CDH2: variants seen among roughly 807,000 people sequenced by gnomAD.
The protein encoded by CDH2 is cadherin-2.
A neutral mutation model predicts 92.0 loss-of-function variants in CDH2; 17 were observed. The observed-to-expected ratio is 0.18, with a 90% confidence interval of 0.13 to 0.28. The LOEUF is 0.28. CDH2 is among the 10% of genes least tolerant of loss of function. The probability of loss-of-function intolerance (pLI) is 1.00; values close to 1 mark genes in which losing one functional copy is unlikely to be tolerated. For missense variants in CDH2, 862 were observed against 1,133.1 expected, an observed-to-expected ratio of 0.76 and a Z score of 3.44; for synonymous variants, 419 against 415.9, an observed-to-expected ratio of 1.01 and a Z score of -0.09.
downstream of CDH2, among the ~76,000 whole-genome samples, chr18:27,946,027 A>G (rs1032373780): frequency 2.0e-5 from 3 of 152,208 alleles, no homozygotes; most frequent in African/African-American, 7.2e-5. Flanking sequence ...ATATGGAATA[A>G]TGTGGAATTT....
intron 1 of CDH2, among the ~76,000 whole-genome samples, chr18:28,155,503 G>A (rs561508590): frequency 2.0e-5 from 3 of 152,190 alleles, no homozygotes; most frequent in Non-Finnish European, 2.9e-5. Context: ...GCAAAAAAAC[G>A]GAAATTCACT....
At chr18:28,041,056 C>CA (rs1252570909) in intron 2 of CDH2, among the ~76,000 whole-genome samples, 8 of 152,078 alleles carry the variant, frequency 5.3e-5, no homozygotes, top group African/African-American at 1.2e-4. Context: ...TATGGTTCTT[C>CA]AAAAAATCAC....
At chr18:28,022,462 T>C (rs1310414378) in intron 2 of CDH2, among the ~76,000 whole-genome samples, 1 of 152,112 alleles carries the variant, frequency 6.6e-6, no homozygotes, top group Non-Finnish European at 1.5e-5. Flanking sequence ...AAAATACCTT[T>C]GTATGTCTCC....
chr18:27,974,916 T>A (rs562838074), intron 14 of CDH2, among the ~76,000 whole-genome samples: 1 of 152,296 alleles, frequency 6.6e-6, no homozygotes, highest in South Asian at 2.1e-4. Context: ...GCTACACAGT[T>A]TATGAAATTT....
intron 1 of CDH2, among the ~76,000 whole-genome samples, chr18:28,161,777 C>T (rs889983119): frequency 6.6e-6 from 1 of 152,088 alleles, no homozygotes; most frequent in African/African-American, 2.4e-5. Flanking sequence ...GTGTAAACCT[C>T]ATCCTCTACT....
chr18:28,006,733 A>AAAAAG (rs2012934467), intron 5 of CDH2, among the ~76,000 whole-genome samples: 1 of 151,430 alleles, frequency 6.6e-6, no homozygotes, highest in African/African-American at 2.4e-5. Context: ...AAAAAAAAAA[A>AAAAAG]AAAAGAAGTG....
At chr18:28,104,064 A>G (rs1235979628) in intron 2 of CDH2, among the ~76,000 whole-genome samples, 1 of 152,172 alleles carries the variant, frequency 6.6e-6, no homozygotes, top group Non-Finnish European at 1.5e-5. Context: ...TCCTGATGCC[A>G]GCTGGCTATG....
chr18:28,075,877 T>C (rs1019481418), intron 2 of CDH2, among the ~76,000 whole-genome samples: 3 of 152,168 alleles, frequency 2.0e-5, no homozygotes, highest in Non-Finnish European at 4.4e-5. Context: ...AAACTTGCTT[T>C]GGGATGAGGA....
Position 27,965,090 on chromosome 18 carries a change from A to G in CDH2, c.2350-1569T>C, listed in dbSNP as rs574989499. Reference sequence around the variant, plus strand: ...AACCCATGAAAAATGTTTTATCATCATCTCTTTAGGTGGAGAAACAGGTTG... The same window carrying G: ...AACCCATGAAAAATGTTTTATCATCGTCTCTTTAGGTGGAGAAACAGGTTG... On this transcript the variant is annotated intron_variant, in intron 14 of 15. Coordinates refer to ENST00000269141, the MANE Select transcript of CDH2 (RefSeq NM_001792.5). Among the ~76,000 whole-genome samples, 289 of 152,328 alleles carry G rather than the reference A, an allele frequency of 1.9e-3. 1 individual carries two copies. Among genetic ancestry groups the G allele is most frequent in the Admixed American group, 3.4e-3 (52 of 15,308 alleles).
In CDH2 at chr18:27,952,294, A is replaced by G; in HGVS notation, c.2580T>C (p.Tyr860=). The G allele has an allele frequency of 1.2e-6, 2 of 1,613,686 alleles. No individual in the cohort carries two copies. Among genetic ancestry groups the G allele is most frequent in the Non-Finnish European group, 8.5e-7 (1 of 1,179,714 alleles). ...PPYDSLLVFD[Y]EGSGSTAGSL... ...ACCCAGCAGTGGAGCCACTGCCTTC[A>G]TAGTCAAACACTAACAGGGAGTCAT... The change falls in exon 16 of 16, where the codon TAT becomes TAC. Residue 860 remains tyrosine, a synonymous_variant. Transcript: ENST00000269141.
intron 1 of CDH2, among the ~76,000 whole-genome samples, chr18:28,160,359 T>A (rs2016288775): frequency 6.6e-6 from 1 of 152,064 alleles, no homozygotes; most frequent in Admixed American, 6.5e-5. Context: ...CTGAGGGGCC[T>A]CAGCTTGAAC....
chr18:28,104,242 C>A (rs539018144), intron 2 of CDH2, among the ~76,000 whole-genome samples: 121 of 152,158 alleles, frequency 8.0e-4, no homozygotes, highest in African/African-American at 2.8e-3. Flanking sequence ...AAAGTATTTA[C>A]CATATATTCA....
chr18:28,130,511 G>A (rs766486844), intron 2 of CDH2, among the ~76,000 whole-genome samples: 1 of 152,212 alleles, frequency 6.6e-6, no homozygotes, highest in Non-Finnish European at 1.5e-5. Context: ...TGCTCTGAAA[G>A]ACATAGGTAT....
At chr18:27,992,470 T>C (rs1174127213) in intron 9 of CDH2, among the ~76,000 whole-genome samples, 185 bp downstream of exon 9, 1 of 152,200 alleles carries the variant, frequency 6.6e-6, no homozygotes, top group Non-Finnish European at 1.5e-5. Context: ...AGTACTGATG[T>C]TGGCCTTAGC....
intron 2 of CDH2, among the ~76,000 whole-genome samples, chr18:28,133,120 T>C (rs973312721): frequency 6.6e-6 from 1 of 152,160 alleles, no homozygotes; most frequent in Non-Finnish European, 1.5e-5. Context: ...GCAAATCCTA[T>C]GGAGATAGCA....
intron 2 of CDH2, among the ~76,000 whole-genome samples, chr18:28,077,890 C>CAAAAAAAAAAAAAAAAAAAAAA (rs71171659): frequency 1.5e-5 from 1 of 67,314 alleles, no homozygotes; most frequent in African/African-American, 5.9e-5. Flanking sequence ...GACCCTGTCT[C>CAAAAAAAAAAAAAAAAAAAAAA]AAAAAAAAAA....
intron 2 of CDH2, among the ~76,000 whole-genome samples, chr18:28,086,188 T>A (rs1225070158): frequency 6.6e-6 from 1 of 152,190 alleles, no homozygotes; most frequent in Non-Finnish European, 1.5e-5. Flanking sequence ...TAAGAAAATG[T>A]GTTTATACTG....
At chr18:28,080,656 C>T (rs527501354) in intron 2 of CDH2, among the ~76,000 whole-genome samples, 73 of 152,228 alleles carry the variant, frequency 4.8e-4, no homozygotes, top group Admixed American at 1.3e-3. Flanking sequence ...AAATCATGCT[C>T]ATGCTAAGAT....
intron 2 of CDH2, among the ~76,000 whole-genome samples, chr18:28,032,153 C>G (rs1038710823): frequency 1.3e-5 from 2 of 152,140 alleles, no homozygotes; most frequent in African/African-American, 4.8e-5. Context: ...GTATCACACT[C>G]CCTCTCAAAC....
Sources: allele counts gnomAD v4.1 joint callset (sites outside exome capture counted in the v4.1 genomes callset), GRCh38; gene constraint gnomAD v4.1.1; transcripts MANE v1.5; gene names NCBI Gene and HGNC (gene_info 2026-07-23, HGNC 2026-07-21).